PDE12: variants seen among roughly 807,000 people sequenced by gnomAD.
PDE12 encodes the protein 2',5'-phosphodiesterase 12.
PDE12 carries 26 observed loss-of-function variants against 45.4 expected under a neutral mutation model. That is an observed-to-expected ratio of 0.57 (90% CI 0.42 to 0.79). PDE12 has a LOEUF of 0.79. Ranked by LOEUF, PDE12 falls within the 30% of genes least tolerant of loss-of-function variation. The probability of loss-of-function intolerance (pLI) is 0.00; values close to 1 mark genes in which losing one functional copy is unlikely to be tolerated. For missense variants in PDE12, 668 were observed against 790.0 expected (o/e 0.85, Z 1.85); for synonymous variants, 283 against 323.9 (o/e 0.87, Z 1.36).
chr3:57,559,424 C>G, intron 2 of PDE12, 36 bp downstream of exon 2: 1 of 1,549,094 alleles, frequency 6.5e-7, no homozygotes, highest in South Asian at 1.1e-5. Context: ...GACTTAAACA[C>G]GCTTAAAGTT....
the PDE12 span, among the ~76,000 whole-genome samples, chr3:57,581,806 AAACT>A: frequency 1.3e-5 from 2 of 152,168 alleles, 1 homozygote; most frequent in Admixed American, 1.3e-4. Flanking sequence ...AAAAATAAAC[AAACT>A]GTCTAGAGGG....
the PDE12 span, chr3:57,577,242 A>G: frequency 2.4e-6 from 3 of 1,243,082 alleles, no homozygotes; most frequent in Non-Finnish European, 2.4e-6. Context: ...CATAGTCAAA[A>G]TGTACTAAAC....
chr3:57,596,979 C>T, the PDE12 span: 1 of 1,379,164 alleles, frequency 7.3e-7, no homozygotes, highest in Non-Finnish European at 1.0e-6. Context: ...TCCCCCACCA[C>T]AGCGGGCGGA....
chr3:57,628,497 CTATT>C, the PDE12 span: 1 of 1,130,892 alleles, frequency 8.8e-7, no homozygotes, highest in Non-Finnish European at 1.2e-6. Flanking sequence ...AAGGAGCATT[CTATT>C]TAAACAATTC....
At chr3:57,581,448 CTTGGTCA>C in the PDE12 span, among the ~76,000 whole-genome samples, 1 of 152,156 alleles carries the variant, frequency 6.6e-6, no homozygotes, top group African/African-American at 2.4e-5. Flanking sequence ...CAGGGTTACC[CTTGGTCA>C]AGAATTATTA....
At chr3:57,636,674 C>T in the PDE12 span, among the ~76,000 whole-genome samples, 1 of 152,194 alleles carries the variant, frequency 6.6e-6, no homozygotes, top group African/African-American at 2.4e-5. Flanking sequence ...TGGTGGCTCA[C>T]GCCTGTAATC....
At chr3:57,596,222 T>C in the PDE12 span, among the ~76,000 whole-genome samples, 2 of 152,186 alleles carry the variant, frequency 1.3e-5, no homozygotes, top group East Asian at 1.9e-4. Context: ...TTTAAAAAAA[T>C]TGTAGTTACT....
the PDE12 span, among the ~76,000 whole-genome samples, chr3:57,642,344 T>G: frequency 7.3e-6 from 1 of 137,288 alleles, no homozygotes; most frequent in Admixed American, 7.4e-5. Context: ...AGCATAATAA[T>G]CACAAAGGAG....
chr3:57,651,153 G>A, the PDE12 span, among the ~76,000 whole-genome samples: 1 of 152,058 alleles, frequency 6.6e-6, no homozygotes, highest in Non-Finnish European at 1.5e-5. Flanking sequence ...ACAATGGGTC[G>A]ACTTACAATT....
chr3:57,596,896 C>CG, the PDE12 span: 21 of 621,990 alleles, frequency 3.4e-5, no homozygotes, highest in Admixed American at 5.9e-5. Flanking sequence ...AGATCGGGGG[C>CG]GGGGGGGATC....
rs1408635094 is a variant in PDE12 at position 57,556,678 on chromosome 3, C to A, written c.299C>A (p.Pro100Gln). 1 of 1,597,506 alleles carries A rather than the reference C, an allele frequency of 6.3e-7. No homozygotes were observed. Among genetic ancestry groups the A allele is most frequent in the South Asian group, 1.1e-5 (1 of 89,884 alleles). The change falls in exon 1 of 3, where the codon CCG becomes CAG. Residue 100 changes from proline (P) to glutamine (Q), a missense_variant. Coordinates refer to ENST00000311180, the MANE Select transcript of PDE12 (RefSeq NM_177966.7). The surrounding 1 kb of genome is among the most constrained non-coding windows in gnomAD (Gnocchi z 5.0). Reference protein sequence around the residue: ...AAAKKSRKSRPNASGGAACSG... With the variant: ...AAAKKSRKSRQNASGGAACSG... ...GCCAAGAAGAGCAGGAAGAGCCGGC[C>A]GAATGCTAGCGGCGGTGCGGCCTGT...
the PDE12 span, among the ~76,000 whole-genome samples, chr3:57,580,682 T>C: frequency 6.6e-6 from 1 of 152,002 alleles, no homozygotes; most frequent in African/African-American, 2.4e-5. Flanking sequence ...GCATAAGCCA[T>C]AGCACCCGGT....
chr3:57,596,540 C>G, the PDE12 span: 3 of 152,786 alleles, frequency 2.0e-5, no homozygotes, highest in African/African-American at 7.2e-5. Context: ...CTTCGGAAAC[C>G]TTGGGTGCTC....
the PDE12 span, among the ~76,000 whole-genome samples, chr3:57,637,874 G>A: frequency 2.0e-5 from 3 of 151,924 alleles, no homozygotes; most frequent in South Asian, 2.1e-4. Flanking sequence ...AGTGGCTCAC[G>A]CTTGTAACCC....
At chr3:57,606,569 T>C in the PDE12 span, among the ~76,000 whole-genome samples, 28 of 152,296 alleles carry the variant, frequency 1.8e-4, no homozygotes, top group African/African-American at 6.7e-4. Context: ...ATAGTGTATA[T>C]GTAAACTTTT....
In PDE12 at chr3:57,556,580, G is replaced by C. The variant is rs2069662527; in HGVS notation, c.201G>C (p.Gln67His). ...GCCACAAGAACATGCAGCGCGACCA[G>C]AGCGAGCCGCTGGGTCGAGTCCTCA... ...DGSHKNMQRDQSEPLGRVLSR... is the reference protein window; with the variant it reads ...DGSHKNMQRDHSEPLGRVLSR... Residue 67 changes from glutamine (Q) to histidine (H), a missense_variant, in exon 1 of 3, where the codon CAG (glutamine) becomes CAC (histidine). This residue lies in a region of PDE12 where 580 missense variants were observed against 662.9 expected (regional missense o/e 0.87). Coordinates refer to ENST00000311180, the MANE Select transcript of PDE12 (RefSeq NM_177966.7). This position sits in a 1 kb window ranked among gnomAD's most constrained non-coding sequence, Gnocchi z 5.0. 13 of 1,613,180 alleles carry C rather than the reference G, an allele frequency of 8.1e-6. No homozygotes were observed. The highest frequency in any genetic ancestry group is 1.1e-5 in the Non-Finnish European group (13 of 1,179,952).
chr3:57,563,269 T>C lies in PDE12; in HGVS notation c.*3265T>C, dbSNP rs530233298. 3 of 152,264 alleles carry C rather than the reference T, an allele frequency of 2.0e-5. No homozygotes were observed. The highest frequency in any genetic ancestry group is 1.9e-4 in the East Asian group (1 of 5,180). 9.4% of individuals were successfully genotyped at this position (152,264 alleles called of 1,614,324 possible). On this transcript the variant is annotated 3_prime_UTR_variant, in exon 3 of 3. Coordinates refer to ENST00000311180, the MANE Select transcript of PDE12 (RefSeq NM_177966.7). Reference sequence around the variant, plus strand: ...TTACTACAGCCTCAAACTGCGGGGCTCAAATGATCCTCCTGCCTCAGCGTC... The same window carrying C: ...TTACTACAGCCTCAAACTGCGGGGCCCAAATGATCCTCCTGCCTCAGCGTC...
chr3:57,584,410 T>TC, the PDE12 span: 1 of 1,613,102 alleles, frequency 6.2e-7, no homozygotes, highest in Non-Finnish European at 8.5e-7. Flanking sequence ...GGTGACTATC[T>TC]CCCCTAACTT....
At chr3:57,610,290 C>T in the PDE12 span, among the ~76,000 whole-genome samples, 4 of 152,128 alleles carry the variant, frequency 2.6e-5, no homozygotes, top group Admixed American at 6.5e-5. Context: ...CCTGAATGGG[C>T]AAAAACTGGA....
Sources: gnomAD v4.1 joint callset for allele counts (sites outside exome capture counted in the v4.1 genomes callset) on GRCh38, gnomAD v4.1.1 for gene constraint, gnomAD v4.1.1 regional missense constraint, Gnocchi (gnomAD v3.1) non-coding constraint, MANE v1.5 for transcripts, NCBI Gene and HGNC (gene_info 2026-07-23, HGNC 2026-07-21) for gene names.